TSC22D1: variants seen among roughly 807,000 people sequenced by gnomAD.
The protein encoded by TSC22D1 is TSC22 domain family member 1.
Under a neutral mutation model 74.2 loss-of-function variants are expected in TSC22D1, and 9 were observed. That is an observed-to-expected ratio of 0.12 (90% CI 0.07 to 0.21). The LOEUF is 0.21. Ranked by LOEUF, TSC22D1 falls within the 10% of genes least tolerant of loss-of-function variation. TSC22D1 has a pLI of 1.00. For missense variants in TSC22D1, 1,427 were observed against 1,304.7 expected, an observed-to-expected ratio of 1.09 and a Z score of -1.44; for synonymous variants, 586 against 492.5, an observed-to-expected ratio of 1.19 and a Z score of -2.51.
At chr13:44,448,123 T>C (rs1875835441) in intron 1 of TSC22D1, among the ~76,000 whole-genome samples, 1 of 152,090 alleles carries the variant, frequency 6.6e-6, no homozygotes, top group African/African-American at 2.4e-5. Flanking sequence ...ATAAAACATC[T>C]GAAGAAGTGA....
chr13:44,572,621 G>A (rs1346621145), intron 1 of TSC22D1, among the ~76,000 whole-genome samples: 1 of 152,144 alleles, frequency 6.6e-6, no homozygotes, highest in Non-Finnish European at 1.5e-5. Flanking sequence ...GTACGCAAAA[G>A]TTGGTCAGTT....
At chr13:44,539,495 G>C (rs916325624) in intron 1 of TSC22D1, 1 of 985,254 alleles carries the variant, frequency 1.0e-6, no homozygotes, top group Non-Finnish European at 1.2e-6. Flanking sequence ...AAAATGGGTA[G>C]ATATTCCCGT....
intron 1 of TSC22D1, among the ~76,000 whole-genome samples, chr13:44,446,156 G>A (rs1875623181): frequency 6.6e-6 from 1 of 152,174 alleles, no homozygotes; most frequent in South Asian, 2.1e-4. Context: ...GGTACATCTA[G>A]ACAATGCAAT....
rs1263287855 is a variant in TSC22D1 at position 44,573,690 on chromosome 13, G to A, written c.2385C>T (p.Ser795=). The A allele has an allele frequency of 4.3e-6, 7 of 1,614,096 alleles. No individual in the cohort carries two copies. In the African/African-American group the frequency reaches 9.3e-5, roughly 22 times the overall value. The change falls in exon 1 of 3, where the codon TCC becomes TCT. Residue 795 remains serine (S), a synonymous_variant. Coordinates refer to ENST00000458659, the MANE Select transcript of TSC22D1 (RefSeq NM_183422.4). ...GTGGCTGGGGAGGCACAGTTAACAA[G>A]GAACTTTGGGATGCAATAACCAATT... is the stretch of plus-strand genomic sequence containing the variant. ...PQQLVIASQS[S]LLTVPPQPQG... is the part of the protein sequence containing the mutation.
intron 1 of TSC22D1, among the ~76,000 whole-genome samples, chr13:44,493,741 C>T (rs1358198032): frequency 6.6e-6 from 1 of 152,190 alleles, no homozygotes; most frequent in Non-Finnish European, 1.5e-5. Flanking sequence ...AAAAGTGCCC[C>T]AGTGCAGAGC....
At chr13:44,573,057 A>G in intron 1 of TSC22D1, 106 bp downstream of exon 1, 1 of 1,446,662 alleles carries the variant, frequency 6.9e-7, no homozygotes, top group Non-Finnish European at 9.1e-7. Context: ...TTCACATACA[A>G]AACACAATAT....
chr13:44,550,970 G>C (rs1331243581), intron 1 of TSC22D1, among the ~76,000 whole-genome samples: 3 of 151,254 alleles, frequency 2.0e-5, no homozygotes, highest in Admixed American at 2.0e-4. Flanking sequence ...AACCGGGCAT[G>C]GTGGCGCCCA....
intron 1 of TSC22D1, among the ~76,000 whole-genome samples, chr13:44,457,638 A>AAC (rs1491564738): frequency 1.0e-3 from 1 of 992 alleles, no homozygotes; most frequent in African/African-American, 1.7e-3. Context: ...AGCAAATAGC[A>AAC]AAAAAAAAAA....
intron 1 of TSC22D1, among the ~76,000 whole-genome samples, chr13:44,444,320 A>AAAAAAAAAAG (rs1875460887): frequency 4.8e-5 from 6 of 126,220 alleles, no homozygotes; most frequent in Non-Finnish European, 8.7e-5. Context: ...AAAAGAAAAG[A>AAAAAAAAAAG]AAAAGAAAAA....
intron 1 of TSC22D1, among the ~76,000 whole-genome samples, chr13:44,477,736 G>C (rs982835558): frequency 2.0e-5 from 3 of 149,068 alleles, no homozygotes; most frequent in Non-Finnish European, 3.0e-5. Flanking sequence ...TCCGCCTCCT[G>C]GGCTCAAGTG....
chr13:44,476,973 T>G (rs1435446438), intron 1 of TSC22D1, among the ~76,000 whole-genome samples: 1 of 151,726 alleles, frequency 6.6e-6, no homozygotes, highest in Non-Finnish European at 1.5e-5. Context: ...CTGGCCTGTT[T>G]TTTGTTTGTT....
Position 44,442,173 on chromosome 13 carries a change from G to A in TSC22D1, c.2913-6078C>T, listed in dbSNP as rs566331627. Among the ~76,000 whole-genome samples the A allele has an allele frequency of 2.0e-5, 3 of 152,266 alleles. No individual in the cohort carries two copies. The South Asian group carries it at 6.2e-4, about 32-fold the overall frequency. ...AGCAGTTTAAAAGGAAGCCCTGAAAGGTCAAACTGTTTCCAAGTAACTTAA... is the reference window on the plus strand; with the variant it reads ...AGCAGTTTAAAAGGAAGCCCTGAAAAGTCAAACTGTTTCCAAGTAACTTAA... On this transcript the variant is annotated intron_variant, in intron 1 of 2. Transcript: ENST00000458659.
chr13:44,494,838 G>A (rs781166035), intron 1 of TSC22D1, among the ~76,000 whole-genome samples: 5 of 152,112 alleles, frequency 3.3e-5, no homozygotes, highest in African/African-American at 1.2e-4. Context: ...AGAGCTTAAA[G>A]GAAACATGGA....
intron 1 of TSC22D1, chr13:44,516,230 A>T (rs1425188802): frequency 2.9e-6 from 1 of 340,020 alleles, no homozygotes; most frequent in Non-Finnish European, 5.6e-6. Context: ...GTTGAACATC[A>T]TTAGTTTACT....
intron 1 of TSC22D1, among the ~76,000 whole-genome samples, chr13:44,475,749 T>C (rs541951090): frequency 2.6e-4 from 40 of 152,272 alleles, no homozygotes; most frequent in African/African-American, 8.7e-4. Context: ...AAAGTCTGAA[T>C]AGTCCTATAT....
intron 1 of TSC22D1, among the ~76,000 whole-genome samples, chr13:44,506,871 A>T (rs2137997419): frequency 6.6e-6 from 1 of 152,306 alleles, no homozygotes; most frequent in African/African-American, 2.4e-5. Flanking sequence ...AAGGCAAGAC[A>T]CTACAGAATC....
intron 1 of TSC22D1, among the ~76,000 whole-genome samples, chr13:44,569,257 G>A (rs556254277): frequency 6.6e-6 from 1 of 152,104 alleles, no homozygotes; most frequent in South Asian, 2.1e-4. Flanking sequence ...TAAATGACAA[G>A]AAAGATCAAA....
chr13:44,433,675 A>G lies in TSC22D1; in HGVS notation c.*951T>C, dbSNP rs1874247690. On this transcript the variant is annotated 3_prime_UTR_variant, in exon 3 of 3. Coordinates refer to ENST00000458659, the MANE Select transcript of TSC22D1 (RefSeq NM_183422.4). ...AAACCCCTACTGGGAAATCCATTTC[A>G]TTAGTTAGAACTGAGCATTTTTCAA... 1 of 332,748 alleles carries G rather than the reference A, an allele frequency of 3.0e-6. No homozygotes were observed. The highest frequency in any genetic ancestry group is 4.9e-5 in the South Asian group (1 of 20,284). 20.6% of individuals were successfully genotyped at this position (332,748 alleles called of 1,614,324 possible).
chr13:44,528,109 C>CA (rs1474532136), intron 1 of TSC22D1, among the ~76,000 whole-genome samples: 1 of 152,006 alleles, frequency 6.6e-6, no homozygotes, highest in Non-Finnish European at 1.5e-5. Context: ...AAGACTTAAA[C>CA]ACCCCTCAAT....
Sources: allele counts gnomAD v4.1 joint callset (sites outside exome capture counted in the v4.1 genomes callset), GRCh38; gene constraint gnomAD v4.1.1; transcripts MANE v1.5; gene names NCBI Gene and HGNC (gene_info 2026-07-23, HGNC 2026-07-21).